Variants in GPC5 observed in about 807,000 individuals in gnomAD.
GPC5 encodes the protein glypican-5.
GPC5 carries 47 observed loss-of-function variants against 53.9 expected under a neutral mutation model. The ratio of observed to expected loss-of-function variants is 0.87; its 90% confidence interval spans 0.69 to 1.11. GPC5 has a LOEUF of 1.11. Among genes scored for constraint, GPC5 ranks in the 50% most tolerant of loss-of-function variants. The pLI is 0.00. For synonymous variants in GPC5, 286 were observed against 263.3 expected (o/e 1.09, Z -0.84); for missense variants, 748 against 713.1 (o/e 1.05, Z -0.56).
intron 7 of GPC5, among the ~76,000 whole-genome samples, chr13:92,521,290 T>C (rs1456407544): frequency 2.0e-5 from 3 of 152,042 alleles, no homozygotes; most frequent in Non-Finnish European, 2.9e-5. Context: ...AAAGTTCATA[T>C]GGAAACAAAA....
chr13:92,135,166 G>T (rs1236492038), intron 6 of GPC5, among the ~76,000 whole-genome samples: 1 of 151,970 alleles, frequency 6.6e-6, no homozygotes, highest in Admixed American at 6.6e-5. Context: ...ACTTAACATG[G>T]ATGTTTTGAT....
chr13:92,544,263 A>T (rs1429612322), intron 7 of GPC5, among the ~76,000 whole-genome samples: 1 of 152,142 alleles, frequency 6.6e-6, no homozygotes, highest in Non-Finnish European at 1.5e-5. Context: ...AGCTAAAGCC[A>T]GGAGCAAACT....
chr13:92,083,781 T>A (rs1467083952), intron 6 of GPC5, among the ~76,000 whole-genome samples: 1 of 152,194 alleles, frequency 6.6e-6, no homozygotes, highest in Non-Finnish European at 1.5e-5. Flanking sequence ...ATGGTTGAAC[T>A]AATTTACATT....
intron 7 of GPC5, among the ~76,000 whole-genome samples, chr13:92,757,354 G>C (rs995082475): frequency 2.0e-5 from 3 of 152,160 alleles, no homozygotes; most frequent in Non-Finnish European, 2.9e-5. Context: ...AGACTTAAAT[G>C]TTAGACCTAA....
At chr13:91,783,535 G>C (rs920836551) in intron 5 of GPC5, among the ~76,000 whole-genome samples, 1 of 152,114 alleles carries the variant, frequency 6.6e-6, no homozygotes, top group African/African-American at 2.4e-5. Context: ...CTGGGTTCAA[G>C]TGATTCTTAT....
At position 92,682,409 on chromosome 13, in the gene GPC5, G is replaced by A. The variant is rs539470422; in HGVS notation, c.1562-183873G>A. ...CTGCTATTTCTTCATAAGTGGTTAT[G>A]AAAAAATATTCACACTTGCTTATGT... On this transcript the variant is annotated intron_variant, in intron 7 of 7. Coordinates refer to ENST00000377067, the MANE Select transcript of GPC5 (RefSeq NM_004466.6). Among the ~76,000 whole-genome samples the A allele has an allele frequency of 1.3e-5, 2 of 152,206 alleles. 1 individual carries two copies. Among genetic ancestry groups the A allele is most frequent in the South Asian group, 4.1e-4 (2 of 4,822 alleles).
chr13:91,693,888 A>G lies in GPC5; in HGVS notation c.1020+7A>G, dbSNP rs1181100103. On this transcript the variant is annotated splice_region_variant and intron_variant, in intron 3 of 7. Coordinates refer to ENST00000377067, the MANE Select transcript of GPC5 (RefSeq NM_004466.6). ...ACAAAAATTATTGGAACAGGTAAGT[A>G]GGAGCTCCACATTTTCAGTCTGACT... 1 of 1,571,304 alleles carries G rather than the reference A, an allele frequency of 6.4e-7. No homozygotes were observed. The highest frequency in any genetic ancestry group is 1.7e-5 in the Admixed American group (1 of 58,576).
chr13:92,377,465 G>A (rs76680151), intron 7 of GPC5, among the ~76,000 whole-genome samples: 2,473 of 150,980 alleles, frequency 0.016, 40 homozygotes, highest in Non-Finnish European at 0.027. Flanking sequence ...ATATAATATG[G>A]AAGTTATAAC....
chr13:92,784,982 T>TA (rs1566417341), intron 7 of GPC5, among the ~76,000 whole-genome samples: 1 of 152,046 alleles, frequency 6.6e-6, no homozygotes, highest in African/African-American at 2.4e-5. Flanking sequence ...CCTCCATCAG[T>TA]AAAAAAGCCT....
intron 2 of GPC5, among the ~76,000 whole-genome samples, chr13:91,665,505 C>CTTTTTTTTTTTTTTTCTT (rs371605806): frequency 3.7e-4 from 54 of 146,188 alleles, no homozygotes; most frequent in African/African-American, 1.3e-3. Flanking sequence ...AAAAGCCAGT[C>CTTTTTTTTTTTTTTTCTT]TTTTTTTTTT....
intron 7 of GPC5, among the ~76,000 whole-genome samples, chr13:92,832,425 G>A (rs918425414): frequency 6.6e-6 from 1 of 152,102 alleles, no homozygotes; most frequent in Non-Finnish European, 1.5e-5. Flanking sequence ...GGATTTCCTG[G>A]AGATTACTGA....
intron 7 of GPC5, among the ~76,000 whole-genome samples, chr13:92,423,455 A>G (rs1476973373): frequency 1.3e-5 from 2 of 152,226 alleles, no homozygotes; most frequent in Non-Finnish European, 2.9e-5. Flanking sequence ...AAATGGGAAA[A>G]ATAACCATTC....
intron 6 of GPC5, among the ~76,000 whole-genome samples, chr13:91,919,837 A>G (rs1594663676): frequency 6.6e-6 from 1 of 152,176 alleles, no homozygotes; most frequent in African/African-American, 2.4e-5. Flanking sequence ...CAGTTCACAT[A>G]CCGGCCTGCC....
chr13:91,433,274 T>C (rs1428509124), intron 1 of GPC5, among the ~76,000 whole-genome samples: 3 of 151,750 alleles, frequency 2.0e-5, no homozygotes, highest in African/African-American at 7.3e-5. Flanking sequence ...TATGTATACA[T>C]GTGCCATGTT....
intron 6 of GPC5, among the ~76,000 whole-genome samples, chr13:92,140,899 A>G (rs2041825747): frequency 6.6e-6 from 1 of 152,194 alleles, no homozygotes; most frequent in Admixed American, 6.5e-5. Flanking sequence ...AGGGCTACAG[A>G]TAAGGACTTG....
chr13:91,406,978 T>C lies in GPC5; in HGVS notation c.163+7769T>C, dbSNP rs137944597. ...GCAATACTGATTTTAAATATATTTCTTTCTTTTTACTAGACTATAGGCTAT... is the reference window on the plus strand; with the variant it reads ...GCAATACTGATTTTAAATATATTTCCTTCTTTTTACTAGACTATAGGCTAT... On this transcript the variant is annotated intron_variant, in intron 1 of 7. Coordinates refer to ENST00000377067, the MANE Select transcript of GPC5 (RefSeq NM_004466.6). Among the ~76,000 whole-genome samples the C allele has an allele frequency of 4.6e-3, 696 of 152,356 alleles. 7 individuals carry two copies. Among genetic ancestry groups the C allele is most frequent in the African/African-American group, 0.016 (656 of 41,582 alleles).
At chr13:92,676,644 G>GT (rs1308271046) in intron 7 of GPC5, among the ~76,000 whole-genome samples, 1 of 152,140 alleles carries the variant, frequency 6.6e-6, no homozygotes, top group Non-Finnish European at 1.5e-5. Context: ...TCTTAGGTTT[G>GT]TGGAGACAGG....
intron 5 of GPC5, among the ~76,000 whole-genome samples, chr13:91,843,375 GTAGTC>G (rs2038812231): frequency 1.3e-5 from 2 of 152,196 alleles, no homozygotes; most frequent in African/African-American, 4.8e-5. Context: ...AGCCACAAAA[GTAGTC>G]AAGTTGGTCA....
intron 2 of GPC5, among the ~76,000 whole-genome samples, chr13:91,558,959 G>A (rs1234372514): frequency 6.6e-6 from 1 of 151,924 alleles, no homozygotes; most frequent in African/African-American, 2.4e-5. Context: ...CATATTAATA[G>A]TTAATTTCTT....
Sources: allele counts gnomAD v4.1 joint callset (sites outside exome capture counted in the v4.1 genomes callset), GRCh38; gene constraint gnomAD v4.1.1; transcripts MANE v1.5; gene names NCBI Gene and HGNC (gene_info 2026-07-23, HGNC 2026-07-21).